The following MAPKAPK5 variants were observed in gnomAD, a reference collection of about 807,000 sequenced individuals.
The protein encoded by MAPKAPK5 is MAPK activated protein kinase 5.
MAPKAPK5 carries 30 observed loss-of-function variants against 65.1 expected under a neutral mutation model. The observed-to-expected ratio is 0.46, with a 90% CI of 0.34 to 0.63. The LOEUF (loss-of-function observed/expected upper bound fraction) is 0.63. MAPKAPK5 is among the 20% of genes least tolerant of loss of function. MAPKAPK5 has a pLI of 0.01. For synonymous variants in MAPKAPK5, 179 were observed against 204.6 expected (o/e 0.87, Z 1.07); for missense variants, 433 against 581.4 (o/e 0.74, Z 2.63).
rs1350559130 is a variant in MAPKAPK5 at position 111,900,939 on chromosome 12, A to G, written c.*7878A>G. On this transcript the variant is annotated 3_prime_UTR_variant, in exon 14 of 14. Transcript: ENST00000550735. ...AGCCTCACAAGAGTGTTACAATTCA[A>G]TGAACAGCAAAGGGGACCAATTTGG... 8.8e-6 allele frequency: 4 copies of G among 455,978 alleles called. No homozygotes were observed. Among genetic ancestry groups the G allele is most frequent in the East Asian group, 1.4e-4 (2 of 14,410 alleles). The allele number at this position is 455,978 out of a possible 1,614,324, so 28.2% of individuals were successfully genotyped here.
Position 111,893,204 on chromosome 12 carries a change from AATAGT to A in MAPKAPK5, c.*149_*153del, listed in dbSNP as rs1017050198. ...ATAGATTTAGGGTGCAGGACTTAAT[AATAGT>A]ATAGTTATTGTTTGTTTTTAAGAAA... On this transcript the variant is annotated 3_prime_UTR_variant, in exon 14 of 14. Transcript: ENST00000550735. The A allele has an allele frequency of 7.8e-6, 4 of 515,296 alleles. No individual in the cohort carries two copies. The Admixed American group carries it at 1.4e-4, about 18-fold the overall frequency. 31.9% of individuals were successfully genotyped at this position (515,296 alleles called of 1,614,324 possible).
At chr12:111,888,692 T>C (rs1016969083) in intron 11 of MAPKAPK5, 74 bp downstream of exon 11, 11 of 1,582,492 alleles carry the variant, frequency 7.0e-6, no homozygotes, top group Non-Finnish European at 9.4e-6. Context: ...ATTTAAGAAA[T>C]TTAACTTGCT....
intron 1 of MAPKAPK5, among the ~76,000 whole-genome samples, chr12:111,846,659 T>C (rs984320131): frequency 6.6e-6 from 1 of 151,870 alleles, no homozygotes; most frequent in African/African-American, 2.4e-5. Flanking sequence ...CCACCATGCC[T>C]GGCTAATTTT....
At chr12:111,850,411 AT>A (rs1476482913) in intron 1 of MAPKAPK5, among the ~76,000 whole-genome samples, 2 of 152,194 alleles carry the variant, frequency 1.3e-5, no homozygotes, top group African/African-American at 4.8e-5. Flanking sequence ...ATAGACTCTA[AT>A]ATTTTTCGAG....
chr12:111,890,622 T>C (rs2070569817), intron 13 of MAPKAPK5, among the ~76,000 whole-genome samples: 1 of 152,192 alleles, frequency 6.6e-6, no homozygotes, highest in Admixed American at 6.5e-5. Flanking sequence ...GTTAAGTTTT[T>C]TTCCCGAAGC....
chr12:111,853,715 A>G (rs1415442622), intron 1 of MAPKAPK5, among the ~76,000 whole-genome samples: 1 of 152,032 alleles, frequency 6.6e-6, no homozygotes, highest in East Asian at 1.9e-4. Flanking sequence ...TTATCTGTTT[A>G]GTAGAGATGG....
intron 10 of MAPKAPK5, among the ~76,000 whole-genome samples, chr12:111,886,652 A>G (rs541211544): frequency 6.6e-6 from 1 of 152,378 alleles, no homozygotes; most frequent in African/African-American, 2.4e-5. Context: ...CATCATCGGG[A>G]AAAATAATTT....
chr12:111,892,976 TCA>T lies in MAPKAPK5; in HGVS notation c.1334_1335del (p.Thr445ArgfsTer2). On this transcript the variant is annotated frameshift_variant, in exon 14 of 14. Coordinates refer to ENST00000550735, the MANE Select transcript of MAPKAPK5 (RefSeq NM_003668.4). LOFTEE classifies it high-confidence loss of function. ...CTTTTTTTGCTTTCAGGTCGTGGAT[TCA>T]CAGATAAAGTAGATCGACTAAAACT... The T allele has an allele frequency of 6.4e-7, 1 of 1,572,766 alleles. No homozygotes were observed.
chr12:111,844,627 A>AGGAGTC (rs2068848188), intron 1 of MAPKAPK5, among the ~76,000 whole-genome samples: 1 of 152,250 alleles, frequency 6.6e-6, no homozygotes, highest in African/African-American at 2.4e-5. Context: ...CACAAATGGT[A>AGGAGTC]CAAGCCAGAC....
intron 2 of MAPKAPK5, among the ~76,000 whole-genome samples, chr12:111,865,949 C>CT (rs2069592188): frequency 6.6e-6 from 1 of 151,486 alleles, no homozygotes; most frequent in South Asian, 2.1e-4. Flanking sequence ...AAAAGCATGG[C>CT]TTAGAAGCTG....
At chr12:111,869,594 G>C (rs1480313001) in intron 5 of MAPKAPK5, among the ~76,000 whole-genome samples, 1 of 152,128 alleles carries the variant, frequency 6.6e-6, no homozygotes, top group Non-Finnish European at 1.5e-5. Context: ...TTTCTGGTAG[G>C]GAGGAACTGA....
chr12:111,847,038 T>C (rs891665191), intron 1 of MAPKAPK5, among the ~76,000 whole-genome samples: 1 of 152,034 alleles, frequency 6.6e-6, no homozygotes, highest in African/African-American at 2.4e-5. Flanking sequence ...ACTACTGTAC[T>C]CTTAAAAACT....
intron 1 of MAPKAPK5, among the ~76,000 whole-genome samples, chr12:111,856,334 A>G (rs752960030): frequency 7.2e-5 from 11 of 151,838 alleles, no homozygotes; most frequent in Admixed American, 2.0e-4. Context: ...CTTTAAATTA[A>G]TACTAATAGT....
rs4238035 is a variant in MAPKAPK5, at chr12:111,896,855, G to A, written c.*3794G>A. 8,449 of 152,200 alleles carry A rather than the reference G, an allele frequency of 0.056. 1,301 individuals carry two copies. In the East Asian group the frequency reaches 0.61, roughly 11 times the overall value. The allele number at this position is 152,200 out of a possible 1,614,324, so 9.4% of individuals were successfully genotyped here. On this transcript the variant is annotated 3_prime_UTR_variant, in exon 14 of 14. Transcript: ENST00000550735. ...GTTTGAAACATAGATGAGGCTCAGC[G>A]TGGTGGCTCATGCCTTTAGTAATCC...
At chr12:111,867,535 C>T (rs1243225305) in intron 3 of MAPKAPK5, 37 bp from the exon 4 acceptor site, 1 of 1,483,138 alleles carries the variant, frequency 6.7e-7, no homozygotes, top group Non-Finnish European at 9.4e-7. Flanking sequence ...TGTTGGTATC[C>T]CCTACCTATT....
rs955322617 is a variant in MAPKAPK5 at position 111,900,090 on chromosome 12, G to A, written c.*7029G>A. 2.0e-5 allele frequency: 9 copies of A among 455,982 alleles called. No individual in the cohort carries two copies. The highest frequency in any genetic ancestry group is 4.0e-5 in the Non-Finnish European group (9 of 226,812). 28.2% of individuals were successfully genotyped at this position (455,982 alleles called of 1,614,324 possible). A position where few individuals can be genotyped will look rare whatever the true frequency, so the allele number is the denominator to read the frequency against. ...CTTCACTAGGGGAATAAACACAGAG[G>A]TGGTGCTGGCTGGAATGGAGATTTG... On this transcript the variant is annotated 3_prime_UTR_variant, in exon 14 of 14. Coordinates refer to ENST00000550735, the MANE Select transcript of MAPKAPK5 (RefSeq NM_003668.4).
intron 1 of MAPKAPK5, among the ~76,000 whole-genome samples, chr12:111,854,591 G>C (rs2069180014): frequency 6.6e-6 from 1 of 152,182 alleles, no homozygotes; most frequent in Non-Finnish European, 1.5e-5. Flanking sequence ...AGGTGTGGTG[G>C]CTCACATCTG....
At chr12:111,863,164 C>T (rs1349482195) in intron 1 of MAPKAPK5, among the ~76,000 whole-genome samples, 1 of 152,126 alleles carries the variant, frequency 6.6e-6, no homozygotes, top group East Asian at 1.9e-4. Flanking sequence ...TAGATTATAG[C>T]CTAGATAGTG....
At chr12:111,866,473 A>G (rs2069617154) in intron 3 of MAPKAPK5, among the ~76,000 whole-genome samples, 1 of 152,162 alleles carries the variant, frequency 6.6e-6, no homozygotes. Flanking sequence ...TGATTCTTGT[A>G]CCCTCATGTA....
Sources: allele counts gnomAD v4.1 joint callset (sites outside exome capture counted in the v4.1 genomes callset), GRCh38; gene constraint gnomAD v4.1.1; transcripts MANE v1.5; gene names NCBI Gene and HGNC (gene_info 2026-07-23, HGNC 2026-07-21).